Variants in ODAD2 observed in about 807,000 individuals in gnomAD.
ODAD2 encodes outer dynein arm docking complex subunit 2.
ODAD2 carries 89 observed loss-of-function variants against 106.8 expected under a neutral mutation model. The observed-to-expected ratio is 0.83, with a 90% CI of 0.70 to 0.99. The LOEUF (loss-of-function observed/expected upper bound fraction) is 0.99, where lower values mean the gene tolerates loss of function less well. ODAD2 is among the 50% of genes least tolerant of loss of function. ODAD2 has a pLI of 0.00. For missense variants in ODAD2, 1,168 were observed against 1,238.5 expected (o/e 0.94, Z 0.85); for synonymous variants, 404 against 436.2 (o/e 0.93, Z 0.92).
At chr10:27,942,579 T>C (rs138174899) in intron 12 of ODAD2, among the ~76,000 whole-genome samples, 1 of 152,358 alleles carries the variant, frequency 6.6e-6, no homozygotes, top group East Asian at 1.9e-4. Context: ...TGTTACATTA[T>C]CCATTCTTAT....
At chr10:27,932,486 A>T (rs776106849) in intron 16 of ODAD2, among the ~76,000 whole-genome samples, 11 of 152,236 alleles carry the variant, frequency 7.2e-5, no homozygotes, top group Non-Finnish European at 1.5e-4. Flanking sequence ...TTAAAAGATG[A>T]TTTGTGATAT....
chr10:27,882,173 A>AAAAAAAGAAAGAAAGAAAG (rs1244028116), intron 17 of ODAD2, among the ~76,000 whole-genome samples: 1 of 109,682 alleles, frequency 9.1e-6, no homozygotes, highest in Non-Finnish European at 1.8e-5. Context: ...GTCATAAAAA[A>AAAAAAAGAAAGAAAGAAAG]AAAGAAAGAA....
In ODAD2 at chr10:27,944,265, CTT is replaced by C; in HGVS notation, c.1698_1699del (p.Arg567SerfsTer23). ...GTGCTGCCTCACCACCCGCCGTGCT[CTT>C]TTAAACTTGGCAACATTCGCGATAG... is the stretch of plus-strand genomic sequence containing the variant. On this transcript the variant is annotated frameshift_variant, in exon 12 of 20. Transcript: ENST00000305242. LOFTEE classifies it high-confidence loss of function. 1.2e-6 allele frequency: 2 copies of C among 1,613,846 alleles called. No individual in the cohort carries two copies. The highest frequency in any genetic ancestry group is 1.7e-6 in the Non-Finnish European group (2 of 1,179,988).
intron 10 of ODAD2, among the ~76,000 whole-genome samples, chr10:27,960,293 T>A (rs1234210168): frequency 6.8e-6 from 1 of 147,882 alleles, no homozygotes; most frequent in Non-Finnish European, 1.5e-5. Flanking sequence ...AACATGAAAA[T>A]ATTATTTATT....
At chr10:27,931,147 A>C (rs1400745797) in intron 16 of ODAD2, among the ~76,000 whole-genome samples, 1 of 152,124 alleles carries the variant, frequency 6.6e-6, no homozygotes, top group Non-Finnish European at 1.5e-5. Flanking sequence ...AAAGAAAGAA[A>C]GGTTGACTAT....
At chr10:27,858,129 T>C (rs1839788529) in intron 19 of ODAD2, among the ~76,000 whole-genome samples, 1 of 152,194 alleles carries the variant, frequency 6.6e-6, no homozygotes, top group South Asian at 2.1e-4. Context: ...TGGAATCATT[T>C]TTTTTACTAT....
At chr10:27,912,627 T>C (rs1473434797) in intron 16 of ODAD2, among the ~76,000 whole-genome samples, 1 of 152,184 alleles carries the variant, frequency 6.6e-6, no homozygotes, top group East Asian at 1.9e-4. Context: ...TTTGAAATCA[T>C]AATTTTGCAT....
rs10599433 is a variant in ODAD2 at position 27,985,216 on chromosome 10, CA to C, written c.383-6del. On this transcript the variant is annotated splice_polypyrimidine_tract_variant and splice_region_variant and intron_variant, in intron 3 of 19. Transcript: ENST00000305242. Reference sequence around the variant, plus strand: ...TTACTATGGGGTCTCTGTTAGCTGCCAAAAAAAAAAAAAAGGAGACAAATAA... The same window carrying C: ...TTACTATGGGGTCTCTGTTAGCTGCCAAAAAAAAAAAAAGGAGACAAATAA... 243,020 of 1,116,824 alleles carry C rather than the reference CA, an allele frequency of 0.22. 643 individuals carry two copies. Among genetic ancestry groups the C allele is most frequent in the South Asian group, 0.25 (12,822 of 50,788 alleles). 69.2% of individuals were successfully genotyped at this position (1,116,824 alleles called of 1,614,324 possible). A position where few individuals can be genotyped will look rare whatever the true frequency, so the allele number is the denominator to read the frequency against.
intron 1 of ODAD2, among the ~76,000 whole-genome samples, chr10:27,996,794 A>G (rs1352151155): frequency 1.3e-5 from 2 of 152,210 alleles, no homozygotes; most frequent in Admixed American, 6.5e-5. Context: ...TTAAGTTGCA[A>G]TGGCACATCT....
chr10:27,933,863 C>T (rs113122207), intron 16 of ODAD2, among the ~76,000 whole-genome samples: 12 of 152,198 alleles, frequency 7.9e-5, no homozygotes, highest in African/African-American at 2.6e-4. Context: ...ATTCCAATAA[C>T]CAAATGCAAA....
intron 16 of ODAD2, among the ~76,000 whole-genome samples, chr10:27,916,423 AG>A (rs1342407506): frequency 1.3e-5 from 2 of 152,160 alleles, no homozygotes; most frequent in African/African-American, 2.4e-5. Context: ...CAAATAAGTA[AG>A]GACGGAGGTC....
intron 19 of ODAD2, among the ~76,000 whole-genome samples, chr10:27,843,648 A>T (rs1838480830): frequency 6.6e-6 from 1 of 152,100 alleles, no homozygotes; most frequent in South Asian, 2.1e-4. Flanking sequence ...TGTGCCTGTA[A>T]TCCCAGCTAC....
At chr10:27,829,245 C>T (rs1405045491) in intron 19 of ODAD2, among the ~76,000 whole-genome samples, 6 of 152,068 alleles carry the variant, frequency 3.9e-5, no homozygotes, top group Admixed American at 2.6e-4. Context: ...TTTTCTTCTT[C>T]GATGTCAAAT....
At chr10:27,873,879 G>A (rs930848003) in intron 17 of ODAD2, among the ~76,000 whole-genome samples, 1 of 152,138 alleles carries the variant, frequency 6.6e-6, no homozygotes, top group Non-Finnish European at 1.5e-5. Context: ...GGTCCACTTG[G>A]TGCAGAGCTG....
intron 19 of ODAD2, among the ~76,000 whole-genome samples, chr10:27,832,284 C>G (rs1450419426): frequency 6.6e-6 from 1 of 152,212 alleles, no homozygotes; most frequent in Non-Finnish European, 1.5e-5. Context: ...GTCTCTGGGT[C>G]TCTCTGGTTT....
rs764996710 is a variant in ODAD2, at chr10:27,944,244, T to C, written c.1721A>G (p.Gln574Arg). The change falls in exon 12 of 20, where the codon CAG (glutamine) becomes CGG (arginine). Residue 574 changes from glutamine (Q) to arginine (R), a missense_variant. Physicochemically the swap from Gln to Arg is conservative, Grantham distance 43. Around this residue, in one of 3 missense-constraint regions of ODAD2, gnomAD observed 701 missense variants for 712.3 expected, o/e 0.98. Transcript: ENST00000305242. ...CACCAGTTTGGTGATACCCCCGTGC[T>C]GCCTCACCACCCGCCGTGCTCTTTT... ...KFKRARRVVRQHGGITKLVAL... is the reference protein window; with the variant it reads ...KFKRARRVVRRHGGITKLVAL... 6.8e-6 allele frequency: 11 copies of C among 1,613,160 alleles called. No homozygotes were observed. Among genetic ancestry groups the C allele is most frequent in the Admixed American group, 1.7e-5 (1 of 59,998 alleles).
rs199629412 is a variant in ODAD2, at chr10:27,875,408, TC to T, written c.2611-12787del. Among the ~76,000 whole-genome samples the T allele has an allele frequency of 8.4e-3, 1,282 of 152,326 alleles. 23 individuals carry two copies. The highest frequency in any genetic ancestry group is 0.029 in the African/African-American group (1,220 of 41,566). On this transcript the variant is annotated intron_variant, in intron 17 of 19. Transcript: ENST00000305242. ...TTCCGTTGCTGGAGAGGAGCTGCGT[TC>T]CTTTGGAGGGGGAGAGGCACTCTGA...
At position 27,971,233 on chromosome 10, in the gene ODAD2, G is replaced by A. The variant is rs117723546; in HGVS notation, c.1017C>T (p.Leu339=). 8,860 of 1,613,904 alleles carry A rather than the reference G, an allele frequency of 5.5e-3. 36 individuals carry two copies. Among genetic ancestry groups the A allele is most frequent in the Non-Finnish European group, 6.9e-3 (8,200 of 1,179,902 alleles). Residue 339 remains leucine, a synonymous_variant, in exon 8 of 20, where the codon CTC becomes CTT. Coordinates refer to ENST00000305242, the MANE Select transcript of ODAD2 (RefSeq NM_018076.5). ...KAPKKEEAAA[L]RKDISGSDKR... ...TGTCTGAACCAGAAATGTCTTTGCG[G>A]AGGGCAGCTGCTTCTTCCTTCTTGG...
intron 19 of ODAD2, among the ~76,000 whole-genome samples, chr10:27,826,200 T>C (rs961018033): frequency 6.6e-6 from 1 of 152,202 alleles, no homozygotes; most frequent in Non-Finnish European, 1.5e-5. Flanking sequence ...CTCCCTGCTC[T>C]GGTCCACCAT....
Sources: gnomAD v4.1 joint callset for allele counts (sites outside exome capture counted in the v4.1 genomes callset) on GRCh38, gnomAD v4.1.1 for gene constraint, gnomAD v4.1.1 regional missense constraint, MANE v1.5 for transcripts, NCBI Gene and HGNC (gene_info 2026-07-23, HGNC 2026-07-21) for gene names.